CYP4Z1: variants seen among roughly 807,000 people sequenced by gnomAD.
The protein encoded by CYP4Z1 is cytochrome P450 4Z1.
A neutral mutation model predicts 54.2 loss-of-function variants in CYP4Z1; 41 were observed. The observed-to-expected ratio is 0.76, with a 90% CI of 0.59 to 0.98. CYP4Z1 has a LOEUF of 0.98. Among genes scored for constraint, CYP4Z1 ranks in the 50% least tolerant of loss-of-function variants. The pLI is 0.00. For missense variants in CYP4Z1, 513 were observed against 599.0 expected (o/e 0.86, Z 1.50); for synonymous variants, 163 against 206.2 (o/e 0.79, Z 1.79).
At chr1:47,112,716 C>CACA (rs147649809) in intron 9 of CYP4Z1, among the ~76,000 whole-genome samples, 64,620 of 151,436 alleles carry the variant, frequency 0.43, 15,090 homozygotes, top group East Asian at 0.96. Flanking sequence ...GTCTGGGCAA[C>CACA]ACAAGACCCC....
At chr1:47,113,829 C>A (rs11211456) in intron 9 of CYP4Z1, among the ~76,000 whole-genome samples, 64,625 of 151,516 alleles carry the variant, frequency 0.43, 15,054 homozygotes, top group East Asian at 0.96. Context: ...TTCCATGCTC[C>A]TGGGTAGGAA....
At chr1:47,115,490 C>A (rs540253699) in intron 9 of CYP4Z1, 39 bp from the exon 10 acceptor site, 1 of 1,553,302 alleles carries the variant, frequency 6.4e-7, no homozygotes, top group Admixed American at 1.9e-5. Context: ...ACAGAATCTT[C>A]GCTCATGCAC....
chr1:47,084,206 G>C (rs1418687516), intron 4 of CYP4Z1, among the ~76,000 whole-genome samples: 1 of 151,898 alleles, frequency 6.6e-6, no homozygotes, highest in African/African-American at 2.4e-5. Flanking sequence ...AATGGATCTG[G>C]GAAAAAACTT....
intron 7 of CYP4Z1, among the ~76,000 whole-genome samples, chr1:47,098,409 C>T (rs1644695954): frequency 6.6e-6 from 1 of 152,084 alleles, no homozygotes; most frequent in South Asian, 2.1e-4. Flanking sequence ...CATGATTTGG[C>T]TCTTGGATTA....
chr1:47,094,586 A>G lies in CYP4Z1; in HGVS notation c.793A>G (p.Lys265Glu), dbSNP rs1481046658. 2.3e-5 allele frequency: 36 copies of G among 1,597,962 alleles called. No individual in the cohort carries two copies. Among genetic ancestry groups the G allele is most frequent in the Non-Finnish European group, 3.0e-5 (35 of 1,174,754 alleles). Residue 265 changes from lysine to glutamate, a missense_variant, in exon 7 of 12, where the codon AAG (lysine) becomes GAG (glutamate). Transcript: ENST00000334194. ...QFTEKVIQDRKESLKDKLKQD... is the reference protein window; with the variant it reads ...QFTEKVIQDREESLKDKLKQD... The stretch of plus-strand genomic sequence containing the variant: ...TCTAGAGAAAGTAATCCAGGACCGG[A>G]AGGAGTCTCTTAAGGATAAGCTAAA...
At chr1:47,096,988 G>C (rs905768713) in intron 7 of CYP4Z1, 2 of 151,550 alleles carry the variant, frequency 1.3e-5, no homozygotes, top group African/African-American at 4.9e-5. Flanking sequence ...ACAGGCCCCA[G>C]GTGTATTGTT....
At chr1:47,099,325 A>G in intron 8 of CYP4Z1, 41 bp downstream of exon 8, 4 of 1,505,828 alleles carry the variant, frequency 2.7e-6, no homozygotes, top group Non-Finnish European at 3.6e-6. Context: ...TTTTCCCCTT[A>G]TACATTTGAT....
chr1:47,072,484 T>C (rs1253242589), intron 2 of CYP4Z1, among the ~76,000 whole-genome samples: 2 of 7,580 alleles, frequency 2.6e-4, no homozygotes, highest in Admixed American at 1.5e-3. Context: ...CTTATCCTGC[T>C]GCACTGTCCA....
chr1:47,100,514 C>T (rs1644713566), intron 8 of CYP4Z1, among the ~76,000 whole-genome samples: 1 of 152,228 alleles, frequency 6.6e-6, no homozygotes, highest in Non-Finnish European at 1.5e-5. Context: ...AGCATATCCA[C>T]ACTGTATATG....
intron 2 of CYP4Z1, among the ~76,000 whole-genome samples, chr1:47,079,022 T>G (rs1259183596): frequency 6.6e-6 from 1 of 152,132 alleles, no homozygotes; most frequent in African/African-American, 2.4e-5. Context: ...TGCTAGTTCT[T>G]TTGCCTCTCA....
the CYP4Z1 span, among the ~76,000 whole-genome samples, chr1:47,057,609 T>C: frequency 6.6e-6 from 1 of 150,880 alleles, no homozygotes; most frequent in Non-Finnish European, 1.5e-5. Flanking sequence ...ATTGGACTTT[T>C]CATTACTATA....
chr1:47,062,122 A>G, the CYP4Z1 span, among the ~76,000 whole-genome samples: 1 of 152,188 alleles, frequency 6.6e-6, no homozygotes, highest in African/African-American at 2.4e-5. Flanking sequence ...AACCAGCACA[A>G]GACAAGGATG....
the CYP4Z1 span, among the ~76,000 whole-genome samples, chr1:47,059,727 AT>A: frequency 6.6e-6 from 1 of 152,154 alleles, no homozygotes; most frequent in Non-Finnish European, 1.5e-5. Context: ...AGAACATTTA[AT>A]TTCCCTAATT....
intron 2 of CYP4Z1, among the ~76,000 whole-genome samples, chr1:47,071,214 C>T (rs1644486772): frequency 6.6e-6 from 1 of 152,176 alleles, no homozygotes; most frequent in South Asian, 2.1e-4. Context: ...GCCTGGCCAA[C>T]ATGGTGAAAC....
intron 4 of CYP4Z1, among the ~76,000 whole-genome samples, chr1:47,084,113 T>C (rs1253040946): frequency 6.6e-6 from 1 of 152,108 alleles, no homozygotes; most frequent in Non-Finnish European, 1.5e-5. Flanking sequence ...AATTCTAATA[T>C]ATAGTTGAGG....
chr1:47,094,673 A>C lies in CYP4Z1; in HGVS notation c.876+4A>C. On this transcript the variant is annotated splice_donor_region_variant and intron_variant, in intron 7 of 11. Coordinates refer to ENST00000334194, the MANE Select transcript of CYP4Z1 (RefSeq NM_178134.3). ...GGACATACTTTTGAGTGCCAAAGTAAGTCTTCTAAACTTCTGAACACATTC... is the reference window on the plus strand; with the variant it reads ...GGACATACTTTTGAGTGCCAAAGTACGTCTTCTAAACTTCTGAACACATTC... 1 of 1,605,472 alleles carries C rather than the reference A, an allele frequency of 6.2e-7. No homozygotes were observed. Among genetic ancestry groups the C allele is most frequent in the Non-Finnish European group, 8.5e-7 (1 of 1,174,802 alleles).
intron 2 of CYP4Z1, among the ~76,000 whole-genome samples, chr1:47,069,684 G>C (rs546172663): frequency 3.6e-4 from 54 of 152,002 alleles, no homozygotes; most frequent in African/African-American, 1.3e-3. Flanking sequence ...TCACTCCCTT[G>C]AGAAGGGAGG....
chr1:47,081,580 C>T (rs1409337827), intron 3 of CYP4Z1, among the ~76,000 whole-genome samples: 31 of 123,678 alleles, frequency 2.5e-4, no homozygotes, highest in East Asian at 1.1e-3. Context: ...CTGGATCAAA[C>T]GTGCATGGGC....
the CYP4Z1 span, among the ~76,000 whole-genome samples, chr1:47,057,148 G>T: frequency 4.0e-5 from 6 of 151,188 alleles, no homozygotes; most frequent in Non-Finnish European, 7.4e-5. Flanking sequence ...TTGCTTGTCT[G>T]TAAAGTATTT....
Sources: allele counts gnomAD v4.1 joint callset (sites outside exome capture counted in the v4.1 genomes callset), GRCh38; gene constraint gnomAD v4.1.1; transcripts MANE v1.5; gene names NCBI Gene and HGNC (gene_info 2026-07-23, HGNC 2026-07-21).